F13A1: variants seen among roughly 807,000 people sequenced by gnomAD.
The protein encoded by F13A1 is coagulation factor XIII A chain, also known as FSF, A subunit.
A neutral mutation model predicts 80.1 loss-of-function variants in F13A1; 47 were observed. The ratio of observed to expected loss-of-function variants is 0.59; its 90% CI spans 0.46 to 0.75. The LOEUF is 0.75. Ranked by LOEUF, F13A1 falls within the 30% of genes least tolerant of loss-of-function variation. The probability of loss-of-function intolerance (pLI) is 0.00; values close to 1 mark genes in which losing one functional copy is unlikely to be tolerated. For missense variants in F13A1, 817 were observed against 930.4 expected (o/e 0.88, Z 1.59); for synonymous variants, 349 against 344.9 (o/e 1.01, Z -0.13).
At chr6:6,156,403 C>T (rs555355872) in intron 13 of F13A1, among the ~76,000 whole-genome samples, 4 of 152,254 alleles carry the variant, frequency 2.6e-5, no homozygotes, top group Non-Finnish European at 4.4e-5. Flanking sequence ...AAATACATAA[C>T]TGTATTCAAA....
At chr6:6,226,025 G>T (rs1013671488) in intron 6 of F13A1, among the ~76,000 whole-genome samples, 8 of 152,204 alleles carry the variant, frequency 5.3e-5, no homozygotes, top group African/African-American at 1.9e-4. Context: ...TGTAGCAGCA[G>T]ACCTAAAGTG....
At chr6:6,207,681 GTTAA>G (rs1287173729) in intron 8 of F13A1, among the ~76,000 whole-genome samples, 3 of 152,200 alleles carry the variant, frequency 2.0e-5, no homozygotes, top group African/African-American at 7.2e-5. Context: ...CTGCCTGCGG[GTTAA>G]TTAAAGACTT....
At chr6:6,307,747 C>T (rs561543999) in intron 2 of F13A1, among the ~76,000 whole-genome samples, 1 of 152,330 alleles carries the variant, frequency 6.6e-6, no homozygotes, top group East Asian at 1.9e-4. Flanking sequence ...AGCCCTACTA[C>T]TTGGGCTTCT....
At chr6:6,253,160 AAAAGAGAG>A (rs1757657031) in intron 4 of F13A1, among the ~76,000 whole-genome samples, 1 of 133,474 alleles carries the variant, frequency 7.5e-6, no homozygotes, top group African/African-American at 3.2e-5. Context: ...AAAAAAAAAA[AAAAGAGAG>A]AGAGAGAGAG....
intron 13 of F13A1, among the ~76,000 whole-genome samples, chr6:6,164,196 C>G (rs958998299): frequency 1.3e-5 from 2 of 151,906 alleles, no homozygotes; most frequent in East Asian, 3.9e-4. Flanking sequence ...AAAAAAAAAG[C>G]CCATGGAGGC....
chr6:6,316,509 C>A (rs1197225424), intron 2 of F13A1, among the ~76,000 whole-genome samples: 1 of 152,088 alleles, frequency 6.6e-6, no homozygotes, highest in Non-Finnish European at 1.5e-5. Context: ...CCTGTGCCTC[C>A]AGAAATCAAC....
chr6:6,220,609 T>G (rs1757178981), intron 8 of F13A1, among the ~76,000 whole-genome samples: 2 of 152,020 alleles, frequency 1.3e-5, no homozygotes, highest in South Asian at 4.2e-4. Flanking sequence ...AAGGAAGAGA[T>G]ATGGAGAATG....
At chr6:6,289,692 ACT>A (rs1758197408) in intron 3 of F13A1, among the ~76,000 whole-genome samples, 1 of 151,980 alleles carries the variant, frequency 6.6e-6, no homozygotes, top group Non-Finnish European at 1.5e-5. Flanking sequence ...AGATCTTAAT[ACT>A]CTACCTAAAA....
Position 6,315,451 on chromosome 6 carries a change from T to C in F13A1, c.130+3084A>G, listed in dbSNP as rs1758665661. Among the ~76,000 whole-genome samples, 3 of 148,394 alleles carry C rather than the reference T, an allele frequency of 2.0e-5. No homozygotes were observed. In the South Asian group the frequency reaches 6.4e-4, roughly 32 times the overall value. On this transcript the variant is annotated intron_variant, in intron 2 of 14. Coordinates refer to ENST00000264870, the MANE Select transcript of F13A1 (RefSeq NM_000129.4). Reference sequence around the variant, plus strand: ...TACCTCAAATATTTCATTTTTTTTTTCTTGAATATCATGGTGTGTATGAGA... The same window carrying C: ...TACCTCAAATATTTCATTTTTTTTTCCTTGAATATCATGGTGTGTATGAGA...
intron 13 of F13A1, among the ~76,000 whole-genome samples, chr6:6,159,177 A>C (rs1180528893): frequency 6.6e-6 from 1 of 152,116 alleles, no homozygotes; most frequent in Non-Finnish European, 1.5e-5. Flanking sequence ...CTGGGATTAC[A>C]GGCTTGAGCC....
At chr6:6,275,637 G>A (rs2113135429) in intron 3 of F13A1, among the ~76,000 whole-genome samples, 1 of 152,316 alleles carries the variant, frequency 6.6e-6, no homozygotes, top group South Asian at 2.1e-4. Flanking sequence ...CCAATGTGCT[G>A]GGATTACAGG....
chr6:6,239,332 G>A (rs1191467732), intron 6 of F13A1, among the ~76,000 whole-genome samples: 4 of 152,034 alleles, frequency 2.6e-5, no homozygotes, highest in South Asian at 2.1e-4. Context: ...GGGATTGACC[G>A]GAAGAAGCAC....
chr6:6,299,821 C>T (rs1258580632), intron 3 of F13A1, among the ~76,000 whole-genome samples: 6 of 148,594 alleles, frequency 4.0e-5, no homozygotes, highest in Admixed American at 6.6e-5. Context: ...GGAGGAGAGG[C>T]GGTCTGCTTT....
intron 5 of F13A1, among the ~76,000 whole-genome samples, chr6:6,249,201 T>C (rs958191425): frequency 1.3e-5 from 2 of 152,248 alleles, no homozygotes; most frequent in Non-Finnish European, 2.9e-5. Context: ...CCCAAGTGCT[T>C]GTGACAGAAA....
rs562204246 is a variant in F13A1, at chr6:6,270,228, C to T, written c.320-3419G>A. ...TTTCACATTTTATTTATTTAAGGAG[C>T]GATTTATTACAGACTCTTGAAGTCT... On this transcript the variant is annotated intron_variant, in intron 3 of 14. Coordinates refer to ENST00000264870, the MANE Select transcript of F13A1 (RefSeq NM_000129.4). Among the ~76,000 whole-genome samples the T allele has an allele frequency of 3.0e-3, 449 of 152,200 alleles. 1 individual carries two copies. Among genetic ancestry groups the T allele is most frequent in the Admixed American group, 5.0e-3 (77 of 15,290 alleles).
At position 6,197,303 on chromosome 6, in the gene F13A1, G is replaced by A. The variant is rs2151082674; in HGVS notation, c.1136C>T (p.Ala379Val). The A allele has an allele frequency of 6.2e-7, 1 of 1,614,160 alleles. No homozygotes were observed. Among genetic ancestry groups the A allele is most frequent in the East Asian group, 2.2e-5 (1 of 44,880 alleles). The change falls in exon 9 of 15, where the codon GCA becomes GTA. Residue 379 changes from alanine (A) to valine (V), a missense_variant. Transcript: ENST00000264870. The stretch of plus-strand genomic sequence containing the variant: ...AGGAAGGTCAGGCCTTGTCATCCAT[G>A]CTTCATTCCAGCAGTGGTAGTTCCT... ...SVWNYHCWNE[A>V]WMTRPDLPVG...
At chr6:6,178,051 G>GGC (rs1760914831) in intron 11 of F13A1, among the ~76,000 whole-genome samples, 2 of 133,740 alleles carry the variant, frequency 1.5e-5, no homozygotes, top group African/African-American at 5.7e-5. Flanking sequence ...GAGAGGGGGG[G>GGC]GGGGGTGGGG....
chr6:6,248,172 T>C, intron 6 of F13A1, 140 bp downstream of exon 6: 1 of 757,232 alleles, frequency 1.3e-6, no homozygotes, highest in South Asian at 1.5e-5. Context: ...GAGCTATAAC[T>C]GGGTGTCAGA....
chr6:6,250,675 G>A lies in F13A1; in HGVS notation c.690+136C>T. On this transcript the variant is annotated intron_variant, in intron 5 of 14. Transcript: ENST00000264870. This position sits in a 1 kb window ranked among gnomAD's most constrained non-coding sequence, Gnocchi z 4.2. ...ATGAGTCCCTACTCCTATGCTCTCT[G>A]CCTTGGAGTCTCAGATCCTAAAAAG... 1 of 694,098 alleles carries A rather than the reference G, an allele frequency of 1.4e-6. No homozygotes were observed. The highest frequency in any genetic ancestry group is 1.8e-5 in the African/African-American group (1 of 56,664). 43.0% of individuals were successfully genotyped at this position (694,098 alleles called of 1,614,324 possible). A position where few individuals can be genotyped will look rare whatever the true frequency, so the allele number is the denominator to read the frequency against.
Sources: gnomAD v4.1 joint callset for allele counts (sites outside exome capture counted in the v4.1 genomes callset) on GRCh38, gnomAD v4.1.1 for gene constraint, Gnocchi (gnomAD v3.1) non-coding constraint, MANE v1.5 for transcripts, NCBI Gene and HGNC (gene_info 2026-07-23, HGNC 2026-07-21) for gene names.